B4GALNT3: variants seen among roughly 807,000 people sequenced by gnomAD.
The protein encoded by B4GALNT3 is beta-1,4-N-acetylgalactosaminyltransferase 3.
In B4GALNT3, 86 loss-of-function variants were observed where a neutral mutation model predicts 120.2. That is an observed-to-expected ratio of 0.72 (90% CI 0.60 to 0.86). B4GALNT3 has a LOEUF of 0.86. Ranked by LOEUF, B4GALNT3 falls within the 40% of genes least tolerant of loss-of-function variation. B4GALNT3 has a pLI of 0.00. For synonymous variants in B4GALNT3, 518 were observed against 510.4 expected (o/e 1.01, Z -0.20); for missense variants, 1,167 against 1,298.9 (o/e 0.90, Z 1.56).
rs374659372 is a variant in B4GALNT3 at position 558,577 on chromosome 12, C to T, written c.2677C>T (p.Arg893Trp). Residue 893 changes from arginine to tryptophan, a missense_variant, in exon 18 of 20, where the codon CGG (arginine) becomes TGG (tryptophan). Physicochemically the swap from Arg to Trp is moderately radical, Grantham distance 101. Coordinates refer to ENST00000266383, the MANE Select transcript of B4GALNT3 (RefSeq NM_173593.4). The part of the protein sequence containing the change: ...HFPAGVIDAI[R>W]KHCVEGKMAF... ...CCCAGCTGGAGTCATCGATGCCATT[C>T]GGAAGCACTGTGTGGAGGGAAAGAT... is the stretch of plus-strand genomic sequence containing the variant. 41 of 1,614,138 alleles carry T rather than the reference C, an allele frequency of 2.5e-5. No homozygotes were observed. Among genetic ancestry groups the T allele is most frequent in the East Asian group, 6.7e-5 (3 of 44,880 alleles).
chr12:462,991 A>G (rs1946037030), intron 1 of B4GALNT3, among the ~76,000 whole-genome samples: 1 of 152,188 alleles, frequency 6.6e-6, no homozygotes, highest in African/African-American at 2.4e-5. Flanking sequence ...ACCAACAGGA[A>G]CCAGGGTAGT....
chr12:559,547 T>C, intron 19 of B4GALNT3, 126 bp downstream of exon 19: 1 of 1,376,870 alleles, frequency 7.3e-7, no homozygotes, highest in Non-Finnish European at 9.8e-7. Context: ...TAAAGAGCAC[T>C]GGACTCGGAG....
At chr12:491,946 T>A (rs1393246677) in intron 1 of B4GALNT3, among the ~76,000 whole-genome samples, 2 of 151,112 alleles carry the variant, frequency 1.3e-5, no homozygotes, top group Non-Finnish European at 2.9e-5. Context: ...TAGTTCCAGC[T>A]ACTCGGGAGG....
At chr12:540,302 A>G (rs1946901452) in intron 3 of B4GALNT3, among the ~76,000 whole-genome samples, 1 of 152,156 alleles carries the variant, frequency 6.6e-6, no homozygotes, top group Non-Finnish European at 1.5e-5. Flanking sequence ...TTTCATCTTT[A>G]AGGGGTACAG....
chr12:474,639 C>T (rs1172637904), intron 1 of B4GALNT3, among the ~76,000 whole-genome samples: 2 of 151,150 alleles, frequency 1.3e-5, no homozygotes, highest in African/African-American at 2.4e-5. Context: ...GGCAACATAG[C>T]GAGACCCTGT....
At chr12:511,566 CCTTCGACCTT>C (rs1182777140) in intron 1 of B4GALNT3, among the ~76,000 whole-genome samples, 13 of 147,176 alleles carry the variant, frequency 8.8e-5, no homozygotes. Context: ...CCACCTTCCG[CCTTCGACCTT>C]CTTCCACCTT....
intron 1 of B4GALNT3, among the ~76,000 whole-genome samples, chr12:494,170 T>A (rs967579165): frequency 6.6e-6 from 1 of 151,478 alleles, no homozygotes; most frequent in Non-Finnish European, 1.5e-5. Context: ...CTCGGGAGGC[T>A]GAGGTGGGGA....
chr12:493,015 G>T (rs1946357383), intron 1 of B4GALNT3, among the ~76,000 whole-genome samples: 1 of 152,176 alleles, frequency 6.6e-6, no homozygotes, highest in African/African-American at 2.4e-5. Context: ...GAAAACCTAG[G>T]TGATCTTGGG....
chr12:478,980 G>T (rs1055807619), intron 1 of B4GALNT3, among the ~76,000 whole-genome samples: 1 of 152,178 alleles, frequency 6.6e-6, no homozygotes, highest in Non-Finnish European at 1.5e-5. Context: ...CCTGGAGTTC[G>T]CTGGGAAGAC....
intron 1 of B4GALNT3, among the ~76,000 whole-genome samples, chr12:472,989 T>G (rs1371921092): frequency 6.6e-6 from 1 of 150,712 alleles, no homozygotes; most frequent in Non-Finnish European, 1.5e-5. Flanking sequence ...TTTTTTTTTT[T>G]TTTTTTTGGA....
At chr12:558,317 T>C (rs760166509) in intron 17 of B4GALNT3, among the ~76,000 whole-genome samples, 191 bp from the exon 18 acceptor site, 1 of 151,108 alleles carries the variant, frequency 6.6e-6, no homozygotes, top group Non-Finnish European at 1.5e-5. Flanking sequence ...TGGGGAGGAG[T>C]CAGAATTCAC....
intron 3 of B4GALNT3, among the ~76,000 whole-genome samples, chr12:537,824 G>GA: frequency 6.6e-6 from 1 of 152,248 alleles, no homozygotes; most frequent in South Asian, 2.1e-4. Context: ...ATCATAGGTG[G>GA]AGCTCTTCAG....
intron 13 of B4GALNT3, 67 bp from the exon 14 acceptor site, chr12:553,127 T>C: frequency 6.3e-7 from 1 of 1,575,302 alleles, no homozygotes; most frequent in Non-Finnish European, 8.6e-7. Flanking sequence ...TCATCCTCTG[T>C]CTTGTATGTC....
At position 556,745 on chromosome 12, in the gene B4GALNT3, G is replaced by C; in HGVS notation, c.2259G>C (p.Leu753=). Residue 753 remains leucine (L), a synonymous_variant, in exon 15 of 20, where the codon CTG becomes CTC. Transcript: ENST00000266383. ...EEVEARNLQG[L]VWDPHNRRRQ... is the part of the protein sequence containing the mutation. The stretch of plus-strand genomic sequence containing the variant: ...TCGAGGCCCGGAACCTGCAAGGCCT[G>C]GTCTGGGACCCACACAACCGTAGGA... 6.2e-7 allele frequency: 1 copy of C among 1,612,802 alleles called. No individual in the cohort carries two copies. The highest frequency in any genetic ancestry group is 1.1e-5 in the South Asian group (1 of 90,916).
intron 1 of B4GALNT3, among the ~76,000 whole-genome samples, chr12:468,777 A>G (rs963211): frequency 0.97 from 147,231 of 152,334 alleles, 71,276 homozygotes; most frequent in East Asian, 1. Flanking sequence ...AATAGACTTC[A>G]TGTGTCTCTT....
In B4GALNT3 at chr12:557,744, G is replaced by A. The variant is rs374004631; in HGVS notation, c.2517G>A (p.Lys839=). Residue 839 remains lysine, a synonymous_variant, in exon 16 of 20, where the codon AAG becomes AAA. Coordinates refer to ENST00000266383, the MANE Select transcript of B4GALNT3 (RefSeq NM_173593.4). ...SEDMDVEMAL[K]RSKLRSYQYV... is the part of the protein sequence containing the mutation. ...ACATGGATGTTGAGATGGCACTGAA[G>A]AGGTCCAAGCTGCGGAGGTGAGGGG... 4 of 1,604,050 alleles carry A rather than the reference G, an allele frequency of 2.5e-6. No individual in the cohort carries two copies. The highest frequency in any genetic ancestry group is 3.4e-6 in the Non-Finnish European group (4 of 1,177,228).
At chr12:511,724 C>A (rs1182269469) in intron 1 of B4GALNT3, among the ~76,000 whole-genome samples, 1 of 109,490 alleles carries the variant, frequency 9.1e-6, no homozygotes, top group East Asian at 3.0e-4. Context: ...TTCCGCCTTC[C>A]ACCTTCCTTC....
rs776285493 is a variant in B4GALNT3, at chr12:558,617, T to C, written c.2717T>C (p.Met906Thr). ...GAGGGAAAGATGGCCTTTGCCCCCA[T>C]GGTGATGAGGCTGCATTGTGGGGCC... is the stretch of plus-strand genomic sequence containing the variant. ...CVEGKMAFAPMVMRLHCGATP... is the reference protein window; with the variant it reads ...CVEGKMAFAPTVMRLHCGATP... Residue 906 changes from methionine (M) to threonine (T), a missense_variant, in exon 18 of 20, where the codon ATG becomes ACG. Met to Thr is a moderately conservative substitution (Grantham distance 81, BLOSUM62 -1). Transcript: ENST00000266383. 12 of 1,614,052 alleles carry C rather than the reference T, an allele frequency of 7.4e-6. No homozygotes were observed. The highest frequency in any genetic ancestry group is 1.0e-5 in the Non-Finnish European group (12 of 1,179,978).
intron 16 of B4GALNT3, 69 bp downstream of exon 16, chr12:557,830 C>A: frequency 6.5e-7 from 1 of 1,541,666 alleles, no homozygotes; most frequent in South Asian, 1.2e-5. Flanking sequence ...GCTGCTGGGT[C>A]CAGGGTAGAG....
Sources: gnomAD v4.1 joint callset for allele counts (sites outside exome capture counted in the v4.1 genomes callset) on GRCh38, gnomAD v4.1.1 for gene constraint, MANE v1.5 for transcripts, NCBI Gene and HGNC (gene_info 2026-07-23, HGNC 2026-07-21) for gene names.